Variants in LHFPL2 observed in about 807,000 individuals in gnomAD.
The protein encoded by LHFPL2 is LHFPL tetraspan subfamily member 2, also known as LHFPL tetraspan subfamily member 2 protein.
In LHFPL2, 7 loss-of-function variants were observed where a neutral mutation model predicts 17.5. That is an observed-to-expected ratio of 0.40 (90% confidence interval 0.23 to 0.75). LHFPL2 has a LOEUF of 0.75. Among genes scored for constraint, LHFPL2 ranks in the 30% least tolerant of loss-of-function variants. LHFPL2 has a pLI of 0.37. For synonymous variants in LHFPL2, 134 were observed against 116.2 expected, an observed-to-expected ratio of 1.15 and a Z score of -0.99; for missense variants, 241 against 294.8, an observed-to-expected ratio of 0.82 and a Z score of 1.34.
intron 3 of LHFPL2, among the ~76,000 whole-genome samples, chr5:78,538,200 T>C (rs925249282): frequency 6.6e-6 from 1 of 152,218 alleles, no homozygotes; most frequent in African/African-American, 2.4e-5. Context: ...TCACCTGATG[T>C]AGATTGACAA....
At chr5:78,506,168 C>T (rs1232866002) in intron 4 of LHFPL2, among the ~76,000 whole-genome samples, 1 of 152,228 alleles carries the variant, frequency 6.6e-6, no homozygotes, top group Non-Finnish European at 1.5e-5. Context: ...CAGATTCTTT[C>T]ACACCCAGTT....
chr5:78,496,663 A>G (rs1485936401), intron 4 of LHFPL2, among the ~76,000 whole-genome samples: 1 of 152,184 alleles, frequency 6.6e-6, no homozygotes, highest in East Asian at 1.9e-4. Context: ...ACAGCATTCC[A>G]GGCTTTTCAG....
intron 3 of LHFPL2, among the ~76,000 whole-genome samples, chr5:78,550,694 C>G (rs1456373370): frequency 6.6e-6 from 1 of 152,146 alleles, no homozygotes; most frequent in Non-Finnish European, 1.5e-5. Flanking sequence ...CCTCAGCCCC[C>G]TGAATGGCTG....
At chr5:78,593,192 T>G (rs1453128244) in intron 2 of LHFPL2, among the ~76,000 whole-genome samples, 3 of 151,960 alleles carry the variant, frequency 2.0e-5, no homozygotes, top group East Asian at 3.9e-4. Context: ...TCACAGTGAG[T>G]GCTTTTCCCG....
rs527682799 is a variant in LHFPL2 at position 78,603,082 on chromosome 5, C to T, written c.-245+29182G>A. On this transcript the variant is annotated intron_variant, in intron 2 of 4. Coordinates refer to ENST00000380345, the MANE Select transcript of LHFPL2 (RefSeq NM_005779.3). ...ATTTTTGTATTTTTTTTAGCTGAAA[C>T]GGGGTTTCACCATGTTGGCCAGGAT... Among the ~76,000 whole-genome samples the T allele has an allele frequency of 6.6e-5, 10 of 152,064 alleles. No homozygotes were observed. The East Asian group carries it at 7.7e-4, about 12-fold the overall frequency.
At chr5:78,515,018 C>A (rs973831630) in intron 3 of LHFPL2, among the ~76,000 whole-genome samples, 1 of 152,120 alleles carries the variant, frequency 6.6e-6, no homozygotes, top group African/African-American at 2.4e-5. Flanking sequence ...TGACACTTCA[C>A]CCCTAAATAC....
At chr5:78,531,493 TTCTTTTTGC>T (rs1324013639) in intron 3 of LHFPL2, among the ~76,000 whole-genome samples, 2 of 152,178 alleles carry the variant, frequency 1.3e-5, no homozygotes, top group African/African-American at 4.8e-5. Flanking sequence ...CAGCATTCCT[TTCTTTTTGC>T]CTCAGGTTCC....
chr5:78,593,795 A>G (rs1743729637), intron 2 of LHFPL2, among the ~76,000 whole-genome samples: 2 of 152,158 alleles, frequency 1.3e-5, no homozygotes, highest in African/African-American at 2.4e-5. Context: ...CCAATTGTCT[A>G]TGAAGGCCTC....
At chr5:78,538,625 T>C (rs1291581582) in intron 3 of LHFPL2, among the ~76,000 whole-genome samples, 4 of 152,188 alleles carry the variant, frequency 2.6e-5, no homozygotes, top group Non-Finnish European at 2.9e-5. Context: ...AGACTACAGT[T>C]GTGTCCAAAA....
rs550427024 is a variant in LHFPL2 at position 78,591,275 on chromosome 5, A to G, written c.-244-26404T>C. 5.3e-5 allele frequency among the ~76,000 whole-genome samples: 8 copies of G among 152,316 alleles called. No homozygotes were observed. The South Asian group carries it at 1.7e-3, about 32-fold the overall frequency. ...GTTCCCATGACCAAACAACAAATGA[A>G]ATTCAAAGAACGGGGGAAGCAGTTG... On this transcript the variant is annotated intron_variant, in intron 2 of 4. Transcript: ENST00000380345.
intron 4 of LHFPL2, among the ~76,000 whole-genome samples, chr5:78,495,877 T>C (rs1343052519): frequency 6.6e-6 from 1 of 152,018 alleles, no homozygotes; most frequent in Non-Finnish European, 1.5e-5. Context: ...TGCTGTAGGG[T>C]TTCAGAGGCT....
intron 2 of LHFPL2, among the ~76,000 whole-genome samples, chr5:78,571,257 C>T (rs542497396): frequency 1.7e-4 from 26 of 152,302 alleles, no homozygotes; most frequent in Admixed American, 1.6e-3. Context: ...GAACTCGATG[C>T]TGCATTCTGC....
At chr5:78,551,702 A>G (rs141400766) in intron 3 of LHFPL2, among the ~76,000 whole-genome samples, 1 of 152,312 alleles carries the variant, frequency 6.6e-6, no homozygotes, top group African/African-American at 2.4e-5. Flanking sequence ...CAAAAACTAG[A>G]ATCCCACTTC....
At chr5:78,613,344 A>C (rs1186786373) in intron 2 of LHFPL2, among the ~76,000 whole-genome samples, 1 of 152,192 alleles carries the variant, frequency 6.6e-6, no homozygotes, top group Non-Finnish European at 1.5e-5. Context: ...ACCAGAAGTG[A>C]CCAGGCAAGG....
intron 3 of LHFPL2, among the ~76,000 whole-genome samples, chr5:78,532,971 C>A (rs1181222609): frequency 1.3e-5 from 2 of 152,200 alleles, no homozygotes; most frequent in Non-Finnish European, 2.9e-5. Context: ...TGCCAACAAC[C>A]CTGTCGTGCT....
chr5:78,600,173 G>C (rs916551278), intron 2 of LHFPL2, among the ~76,000 whole-genome samples: 2 of 151,790 alleles, frequency 1.3e-5, no homozygotes, highest in African/African-American at 4.8e-5. Context: ...TTCAGGATGA[G>C]GTTCTTCAAG....
At chr5:78,496,084 C>T (rs1275653923) in intron 4 of LHFPL2, among the ~76,000 whole-genome samples, 1 of 152,214 alleles carries the variant, frequency 6.6e-6, no homozygotes, top group African/African-American at 2.4e-5. Flanking sequence ...CCACCTCCAA[C>T]GTACATCCCT....
intron 2 of LHFPL2, among the ~76,000 whole-genome samples, chr5:78,575,856 T>G (rs185162252): frequency 6.6e-6 from 1 of 152,152 alleles, no homozygotes; most frequent in African/African-American, 2.4e-5. Context: ...TTTCAAGAAG[T>G]AGAGTCGCAG....
chr5:78,587,735 C>T (rs1254562493), intron 2 of LHFPL2, among the ~76,000 whole-genome samples: 1 of 152,232 alleles, frequency 6.6e-6, no homozygotes, highest in Non-Finnish European at 1.5e-5. Context: ...CTTTTGCTGT[C>T]TTTAAAATTG....
Sources: gnomAD v4.1 joint callset for allele counts (sites outside exome capture counted in the v4.1 genomes callset) on GRCh38, gnomAD v4.1.1 for gene constraint, MANE v1.5 for transcripts, NCBI Gene and HGNC (gene_info 2026-07-23, HGNC 2026-07-21) for gene names.